The following ARHGEF3 variants were observed in gnomAD, a reference collection of about 807,000 sequenced individuals.
ARHGEF3 encodes 59.8 kDA protein.
A neutral mutation model predicts 63.2 loss-of-function variants in ARHGEF3; 28 were observed. That is an observed-to-expected ratio of 0.44 (90% CI 0.33 to 0.61). The LOEUF (loss-of-function observed/expected upper bound fraction) is 0.61. Among genes scored for constraint, ARHGEF3 ranks in the 20% least tolerant of loss-of-function variants. The probability of loss-of-function intolerance (pLI) is 0.03; values close to 1 mark genes in which losing one functional copy is unlikely to be tolerated. For synonymous variants in ARHGEF3, 266 were observed against 254.2 expected, an observed-to-expected ratio of 1.05 and a Z score of -0.44; for missense variants, 533 against 659.3, an observed-to-expected ratio of 0.81 and a Z score of 2.10.
intron 2 of ARHGEF3, among the ~76,000 whole-genome samples, chr3:57,013,022 G>A (rs1444460061): frequency 6.6e-6 from 1 of 152,208 alleles, no homozygotes; most frequent in Non-Finnish European, 1.5e-5. Flanking sequence ...AGGCTGCGGA[G>A]GGTGCACCGG....
chr3:57,052,295 G>A (rs1028829126), intron 1 of ARHGEF3, among the ~76,000 whole-genome samples: 4 of 152,100 alleles, frequency 2.6e-5, no homozygotes, highest in Admixed American at 2.0e-4. Context: ...TGGCTCCAGA[G>A]CCTACATTCT....
At chr3:57,057,702 T>A (rs369031969) in intron 1 of ARHGEF3, among the ~76,000 whole-genome samples, 1 of 152,178 alleles carries the variant, frequency 6.6e-6, no homozygotes, top group Non-Finnish European at 1.5e-5. Flanking sequence ...CCACACATCA[T>A]ACAATTTGAG....
chr3:56,921,869 G>C (rs1426262479), intron 3 of ARHGEF3, among the ~76,000 whole-genome samples: 2 of 152,192 alleles, frequency 1.3e-5, no homozygotes, highest in African/African-American at 4.8e-5. Flanking sequence ...TTTCAACACA[G>C]GAACTAAAAA....
At chr3:56,959,012 T>G in intron 2 of ARHGEF3, 1 of 1,036,846 alleles carries the variant, frequency 9.6e-7, no homozygotes, top group Non-Finnish European at 1.4e-6. Context: ...ACAAGGTGGA[T>G]GGAGTTTTCA....
intron 4 of ARHGEF3, among the ~76,000 whole-genome samples, chr3:56,873,500 C>T (rs1008794280): frequency 6.6e-6 from 1 of 152,038 alleles, no homozygotes; most frequent in African/African-American, 2.4e-5. Flanking sequence ...GTTGTCTGTT[C>T]GTGCGTTAGT....
chr3:57,070,971 C>CA (rs1231328722), intron 1 of ARHGEF3, among the ~76,000 whole-genome samples: 5,276 of 49,550 alleles, frequency 0.11, 330 homozygotes, highest in African/African-American at 0.28. Context: ...GACTCTGTCA[C>CA]AAAAAAAAAA....
intron 2 of ARHGEF3, among the ~76,000 whole-genome samples, chr3:56,764,049 T>A (rs1211124217): frequency 6.9e-6 from 1 of 144,992 alleles, no homozygotes; most frequent in African/African-American, 2.4e-5. Context: ...TTCAGATTGA[T>A]GCACATTAAA....
chr3:56,892,125 T>C (rs888365366), intron 3 of ARHGEF3, among the ~76,000 whole-genome samples: 2 of 152,134 alleles, frequency 1.3e-5, no homozygotes, highest in Non-Finnish European at 2.9e-5. Flanking sequence ...ATTCACTCTG[T>C]CATTCAACAA....
At chr3:56,858,979 A>C (rs2039975909) in intron 4 of ARHGEF3, among the ~76,000 whole-genome samples, 1 of 152,128 alleles carries the variant, frequency 6.6e-6, no homozygotes, top group Non-Finnish European at 1.5e-5. Context: ...ATGTTTTTAA[A>C]TGGCGAAGAC....
chr3:56,940,195 C>T (rs1329577802), intron 3 of ARHGEF3: 1 of 152,214 alleles, frequency 6.6e-6, no homozygotes. Flanking sequence ...TGAGCCTCCA[C>T]TGCATTCCAC....
At chr3:56,945,945 T>C in intron 3 of ARHGEF3, among the ~76,000 whole-genome samples, 1 of 152,062 alleles carries the variant, frequency 6.6e-6, no homozygotes, top group East Asian at 1.9e-4. Context: ...AGAGGAACGA[T>C]CAGGCAGCAG....
At chr3:56,836,706 G>A (rs1377095855) in intron 4 of ARHGEF3, among the ~76,000 whole-genome samples, 2 of 152,108 alleles carry the variant, frequency 1.3e-5, no homozygotes, top group Non-Finnish European at 2.9e-5. Flanking sequence ...TAGGAGGATC[G>A]TTTGAGCCCA....
intron 3 of ARHGEF3, among the ~76,000 whole-genome samples, chr3:56,949,440 T>C (rs1336125471): frequency 6.6e-6 from 1 of 152,034 alleles, no homozygotes; most frequent in East Asian, 1.9e-4. Flanking sequence ...AGTCTCAGGA[T>C]ACAAAATCAA....
intron 1 of ARHGEF3, among the ~76,000 whole-genome samples, chr3:57,043,114 C>A (rs1040894054): frequency 6.6e-6 from 1 of 151,658 alleles, no homozygotes. Flanking sequence ...TATATCTGTA[C>A]CACTAACATT....
At chr3:56,959,717 T>A (rs758435159) in intron 2 of ARHGEF3, among the ~76,000 whole-genome samples, 7 of 152,090 alleles carry the variant, frequency 4.6e-5, no homozygotes, top group Non-Finnish European at 8.8e-5. Context: ...GTGGCTCACG[T>A]CTGTAATCCC....
intron 4 of ARHGEF3, among the ~76,000 whole-genome samples, chr3:56,880,577 G>T (rs968151698): frequency 6.6e-6 from 1 of 152,194 alleles, no homozygotes; most frequent in Non-Finnish European, 1.5e-5. Flanking sequence ...GACCTGGATT[G>T]AAGTCTTGCC....
chr3:56,858,188 G>A (rs1428374452), intron 4 of ARHGEF3, among the ~76,000 whole-genome samples: 1 of 145,526 alleles, frequency 6.9e-6, no homozygotes, highest in African/African-American at 2.6e-5. Flanking sequence ...AGGCTGCAGT[G>A]AGCCATGTTT....
chr3:56,847,189 A>C (rs1462326753), intron 4 of ARHGEF3, among the ~76,000 whole-genome samples: 1 of 152,292 alleles, frequency 6.6e-6, no homozygotes, highest in African/African-American at 2.4e-5. Flanking sequence ...TACAGATAGA[A>C]AGATTCACAA....
At chr3:56,836,689 G>A (rs2039122240) in intron 4 of ARHGEF3, among the ~76,000 whole-genome samples, 1 of 152,218 alleles carries the variant, frequency 6.6e-6, no homozygotes, top group Non-Finnish European at 1.5e-5. Flanking sequence ...ACTTTGGGAG[G>A]CTGAGGTAGG....
Sources: allele counts gnomAD v4.1 joint callset (sites outside exome capture counted in the v4.1 genomes callset), GRCh38; gene constraint gnomAD v4.1.1; transcripts MANE v1.5; gene names NCBI Gene and HGNC (gene_info 2026-07-23, HGNC 2026-07-21).